The following FBXO46 variants were observed in gnomAD, a reference collection of about 807,000 sequenced individuals.
FBXO46 encodes the protein F-box protein 46.
A neutral mutation model predicts 30.7 loss-of-function variants in FBXO46; 13 were observed. The observed-to-expected ratio is 0.42, with a 90% confidence interval of 0.28 to 0.67. The LOEUF is 0.67. Ranked by LOEUF, FBXO46 falls within the 30% of genes least tolerant of loss-of-function variation. The pLI, the probability that FBXO46 is intolerant of heterozygous loss-of-function variation, is 0.21. For missense variants in FBXO46, 754 were observed against 871.5 expected, an observed-to-expected ratio of 0.87 and a Z score of 1.70; for synonymous variants, 467 against 385.8, an observed-to-expected ratio of 1.21 and a Z score of -2.47.
chr19:45,713,022 C>A lies in FBXO46; in HGVS notation c.474G>T (p.Glu158Asp). ...CGTCCTCACCGGCTGAGGCGGGGCC[C>A]TCCTCAGCAGCAGGGGGGCCCTCCC... The part of the protein sequence containing the change: ...GGREGPPAAE[E>D]GPASAGEDVD... Residue 158 changes from glutamate (E) to aspartate (D), a missense_variant, in exon 2 of 2, where the codon GAG becomes GAT. Physicochemically the swap from Glu to Asp is conservative, Grantham distance 45 (BLOSUM62 2). Transcript: ENST00000317683. This position sits in a 1 kb window ranked among gnomAD's most constrained non-coding sequence, Gnocchi z 4.7. 1.3e-6 allele frequency: 2 copies of A among 1,557,626 alleles called. No individual in the cohort carries two copies. The highest frequency in any genetic ancestry group is 1.7e-6 in the Non-Finnish European group (2 of 1,153,154).
At chr19:45,716,364 T>C (rs1968090790) in intron 1 of FBXO46, 1 of 149,126 alleles carries the variant, frequency 6.7e-6, no homozygotes, top group Non-Finnish European at 1.5e-5. Flanking sequence ...CCCCCTCAAG[T>C]CCCCTAATCA....
At chr19:45,727,286 A>G (rs1343600416) in intron 1 of FBXO46, among the ~76,000 whole-genome samples, 1 of 151,472 alleles carries the variant, frequency 6.6e-6, no homozygotes, top group Non-Finnish European at 1.5e-5. Flanking sequence ...AGGTCGGAGC[A>G]GTGGCTCACG....
chr19:45,712,710 G>A lies in FBXO46; in HGVS notation c.786C>T (p.Ala262=), dbSNP rs776239625. The A allele has an allele frequency of 1.5e-5, 24 of 1,612,562 alleles. No individual in the cohort carries two copies. Among genetic ancestry groups the A allele is most frequent in the Non-Finnish European group, 2.0e-5 (23 of 1,179,456 alleles). ...GCTCCCGGCCGTTGGAGATGCGGAA[G>A]GCGATGCGCACCTCCCCAGGGCCTG... ...PGPGPGEVRI[A]FRISNGREPR... is the part of the protein sequence containing the mutation. Residue 262 remains alanine (A), a synonymous_variant, in exon 2 of 2, where the codon GCC becomes GCT. Coordinates refer to ENST00000317683, the MANE Select transcript of FBXO46 (RefSeq NM_001080469.2). This position sits in a 1 kb window ranked among gnomAD's most constrained non-coding sequence, Gnocchi z 8.8.
At position 45,713,604 on chromosome 19, in the gene FBXO46, AG is replaced by A. The variant is rs1968038505; in HGVS notation, c.-78-32del. The A allele has an allele frequency of 2.2e-6, 2 of 906,744 alleles. No homozygotes were observed. Among genetic ancestry groups the A allele is most frequent in the Non-Finnish European group, 3.3e-6 (2 of 605,286 alleles). The allele number at this position is 906,744 out of a possible 1,614,324, so 56.2% of individuals were successfully genotyped here. On this transcript the variant is annotated intron_variant, in intron 1 of 1. Coordinates refer to ENST00000317683, the MANE Select transcript of FBXO46 (RefSeq NM_001080469.2). The surrounding 1 kb of genome is among the most constrained non-coding windows in gnomAD (Gnocchi z 4.7). ...GACACGAAGAGGAGGTTGGGGAGCTAGGGGGACAGCCTTTCTTCCCAGGACC... is the reference window on the plus strand; with the variant it reads ...GACACGAAGAGGAGGTTGGGGAGCTAGGGGACAGCCTTTCTTCCCAGGACC...
intron 1 of FBXO46, among the ~76,000 whole-genome samples, chr19:45,720,659 A>G (rs1411858952): frequency 1.3e-5 from 2 of 151,744 alleles, no homozygotes; most frequent in East Asian, 3.9e-4. Flanking sequence ...AGGTCTCACT[A>G]TGTTGCCTAG....
rs565393659 is a variant in FBXO46, at chr19:45,713,917, C to T, written c.-78-344G>A. The stretch of plus-strand genomic sequence containing the variant: ...TGGGAGGTGGAGGTTGCAGCGAGAC[C>T]AGATGGCACCATTACACTCCAGCCT... On this transcript the variant is annotated intron_variant, in intron 1 of 1. Coordinates refer to ENST00000317683, the MANE Select transcript of FBXO46 (RefSeq NM_001080469.2). The surrounding 1 kb of genome is among the most constrained non-coding windows in gnomAD (Gnocchi z 4.7). Among the ~76,000 whole-genome samples, 1 of 141,242 alleles carries T rather than the reference C, an allele frequency of 7.1e-6. No individual in the cohort carries two copies. Among genetic ancestry groups the T allele is most frequent in the East Asian group, 2.1e-4 (1 of 4,846 alleles). 92.7% of individuals were successfully genotyped at this position (141,242 alleles called of 152,430 possible).
Position 45,711,872 on chromosome 19 carries a change from C to A in FBXO46, c.1624G>T (p.Val542Leu). The A allele has an allele frequency of 6.2e-7, 1 of 1,613,722 alleles. No individual in the cohort carries two copies. Among genetic ancestry groups the A allele is most frequent in the Non-Finnish European group, 8.5e-7 (1 of 1,179,802 alleles). ...TTGGGGTGCCAGCGGCAGAGCGACA[C>A]GTCGCCCTTCTCGTATCTCTTGCGG... ...QCRKRYEKGDVSLCRWHPKPY... is the reference protein window; with the variant it reads ...QCRKRYEKGDLSLCRWHPKPY... The change falls in exon 2 of 2, where the codon GTG (valine) becomes TTG (leucine). Residue 542 changes from valine to leucine, a missense_variant. Physicochemically the swap from Val to Leu is conservative, Grantham distance 32. This residue lies in a region of FBXO46 where 162 missense variants were observed against 258.7 expected (regional missense o/e 0.63). Coordinates refer to ENST00000317683, the MANE Select transcript of FBXO46 (RefSeq NM_001080469.2).
At chr19:45,727,222 C>A (rs927732533) in intron 1 of FBXO46, among the ~76,000 whole-genome samples, 1 of 150,154 alleles carries the variant, frequency 6.7e-6, no homozygotes, top group African/African-American at 2.5e-5. Flanking sequence ...GCATGCCAGC[C>A]AGGGCAACAA....
intron 1 of FBXO46, among the ~76,000 whole-genome samples, chr19:45,719,194 A>G (rs1968139855): frequency 6.6e-6 from 1 of 152,154 alleles, no homozygotes; most frequent in Admixed American, 6.6e-5. Flanking sequence ...GGCTGCAGTG[A>G]GCTCAGATCA....
Position 45,712,228 on chromosome 19 carries a change from G to A in FBXO46, c.1268C>T (p.Pro423Leu), listed in dbSNP as rs1184393247. ...CGCAGTGGCCGGGGAGTCGGCCGGG[G>A]GTGGCTCCGGGGGCCCGTCCGGCCC... ...NRGPDGPPEP[P>L]PADSPATAPG... The change falls in exon 2 of 2, where the codon CCC becomes CTC. Residue 423 changes from proline to leucine, a missense_variant. By Grantham distance (98) the Pro-to-Leu change is moderately conservative (BLOSUM62 -3). Transcript: ENST00000317683. This position sits in a 1 kb window ranked among gnomAD's most constrained non-coding sequence, Gnocchi z 8.8. The A allele has an allele frequency of 1.2e-6, 2 of 1,605,480 alleles. No homozygotes were observed. The highest frequency in any genetic ancestry group is 8.5e-7 in the Non-Finnish European group (1 of 1,177,958).
At chr19:45,726,077 C>A (rs1216289346) in intron 1 of FBXO46, among the ~76,000 whole-genome samples, 4 of 152,116 alleles carry the variant, frequency 2.6e-5, no homozygotes. Context: ...TGCAGTGGCT[C>A]ATGCCTGTAA....
upstream of FBXO46, among the ~76,000 whole-genome samples, chr19:45,731,795 G>A (rs1968318219): frequency 6.6e-6 from 1 of 151,758 alleles, no homozygotes; most frequent in Admixed American, 6.6e-5. Context: ...GTTCAGCCTG[G>A]GCGACAGAAT....
At chr19:45,721,553 CTTTTTT>C (rs35101456) in intron 1 of FBXO46, among the ~76,000 whole-genome samples, 3 of 110,770 alleles carry the variant, frequency 2.7e-5, no homozygotes, top group African/African-American at 1.1e-4. Flanking sequence ...GGTCCTGTTC[CTTTTTT>C]TTTTTTTTTT....
chr19:45,719,235 C>T (rs1054926960), intron 1 of FBXO46, among the ~76,000 whole-genome samples: 18 of 151,824 alleles, frequency 1.2e-4, no homozygotes, highest in South Asian at 4.2e-4. Context: ...GGTGACAGCA[C>T]GAGACTGTCT....
At chr19:45,718,428 C>A (rs558028835) in intron 1 of FBXO46, among the ~76,000 whole-genome samples, 2 of 152,058 alleles carry the variant, frequency 1.3e-5, no homozygotes, top group Non-Finnish European at 2.9e-5. Flanking sequence ...GAAGCTGACA[C>A]CCCCAATCCC....
At chr19:45,727,588 G>C (rs990255925) in intron 1 of FBXO46, among the ~76,000 whole-genome samples, 6 of 151,574 alleles carry the variant, frequency 4.0e-5, no homozygotes, top group Non-Finnish European at 8.8e-5. Flanking sequence ...AGAAAACTGA[G>C]GCCCAGAGTG....
At chr19:45,718,683 C>T (rs1033704648) in intron 1 of FBXO46, among the ~76,000 whole-genome samples, 4 of 152,054 alleles carry the variant, frequency 2.6e-5, no homozygotes, top group African/African-American at 9.6e-5. Context: ...CAGAGGGGAC[C>T]TCTGGGTTCC....
chr19:45,711,560 T>C lies in FBXO46; in HGVS notation c.*124A>G. The C allele has an allele frequency of 1.3e-6, 1 of 799,956 alleles. No homozygotes were observed. Among genetic ancestry groups the C allele is most frequent in the South Asian group, 1.5e-5 (1 of 68,680 alleles). The allele number at this position is 799,956 out of a possible 1,614,324, so 49.6% of individuals were successfully genotyped here. The stretch of plus-strand genomic sequence containing the variant: ...CACCCCTGCTGAACCCCAGCTCAGT[T>C]CCGGTGAGGGATCAATGCTGCCTGG... On this transcript the variant is annotated 3_prime_UTR_variant, in exon 2 of 2. Transcript: ENST00000317683.
intron 1 of FBXO46, among the ~76,000 whole-genome samples, chr19:45,726,308 C>T (rs1000987454): frequency 2.3e-4 from 35 of 151,898 alleles, no homozygotes; most frequent in African/African-American, 4.6e-4. Flanking sequence ...ATCGCACCAC[C>T]GCACTCCAGC....
Sources: allele counts gnomAD v4.1 joint callset (sites outside exome capture counted in the v4.1 genomes callset), GRCh38; gene constraint gnomAD v4.1.1; regional missense constraint gnomAD v4.1.1; non-coding constraint Gnocchi (gnomAD v3.1); transcripts MANE v1.5; gene names NCBI Gene and HGNC (gene_info 2026-07-23, HGNC 2026-07-21).